The following TMPRSS11B variants were observed in gnomAD, a reference collection of about 807,000 sequenced individuals.
TMPRSS11B encodes the protein transmembrane protease serine 11B.
A neutral mutation model predicts 44.7 loss-of-function variants in TMPRSS11B; 53 were observed. That is an observed-to-expected ratio of 1.19 (90% CI 0.95 to 1.49). The LOEUF is 1.49. TMPRSS11B is among the 40% of genes most tolerant of loss of function. TMPRSS11B has a pLI of 0.00. For synonymous variants in TMPRSS11B, 140 were observed against 159.2 expected, an observed-to-expected ratio of 0.88 and a Z score of 0.91; for missense variants, 526 against 494.8, an observed-to-expected ratio of 1.06 and a Z score of -0.60.
intron 1 of TMPRSS11B, among the ~76,000 whole-genome samples, chr4:68,242,253 T>TTATATTATACATAA (rs1560445440): frequency 3.2e-4 from 18 of 56,620 alleles, no homozygotes; most frequent in Non-Finnish European, 5.4e-4. Flanking sequence ...ATTATATATA[T>TTATATTATACATAA]TATAATATAT....
At chr4:68,228,174 A>T in intron 9 of TMPRSS11B, 102 bp from the exon 10 acceptor site, 1 of 1,078,148 alleles carries the variant, frequency 9.3e-7, no homozygotes, top group Non-Finnish European at 1.3e-6. Flanking sequence ...AAACCAATTC[A>T]CTCTCTTTGG....
rs897556899 is a variant in TMPRSS11B at position 68,236,414 on chromosome 4, A to C, written c.125-148T>G. On this transcript the variant is annotated intron_variant, in intron 2 of 9. Coordinates refer to ENST00000332644, the MANE Select transcript of TMPRSS11B (RefSeq NM_182502.3). ...CAACCATTTATACCTCTGCCTTAAC[A>C]TTTATACCTCTGCCTCAACATTTAT... is the stretch of plus-strand genomic sequence containing the variant. The C allele has an allele frequency of 6.1e-5, 36 of 586,874 alleles. No homozygotes were observed. In the South Asian group the frequency reaches 8.5e-4, roughly 14 times the overall value. The allele number at this position is 586,874 out of a possible 1,614,324, so 36.4% of individuals were successfully genotyped here.
At chr4:68,241,614 C>A (rs142785506) in intron 2 of TMPRSS11B, 75 bp downstream of exon 2, 2 of 864,698 alleles carry the variant, frequency 2.3e-6, no homozygotes, top group East Asian at 2.6e-5. Context: ...ATTTAATGTT[C>A]ATGTTGTTTT....
chr4:68,232,728 C>CT (rs200508625), intron 5 of TMPRSS11B, among the ~76,000 whole-genome samples: 2,407 of 152,186 alleles, frequency 0.016, 50 homozygotes, highest in African/African-American at 0.054. Context: ...TTTTATTATA[C>CT]TTTAAGTTTC....
chr4:68,244,445 T>G (rs1416887379), intron 1 of TMPRSS11B, among the ~76,000 whole-genome samples: 1 of 152,132 alleles, frequency 6.6e-6, no homozygotes, highest in East Asian at 1.9e-4. Context: ...GCCAACATGG[T>G]GAAACCCCAT....
intron 5 of TMPRSS11B, among the ~76,000 whole-genome samples, chr4:68,233,857 A>C (rs1267015262): frequency 6.6e-6 from 1 of 152,018 alleles, no homozygotes; most frequent in African/African-American, 2.4e-5. Context: ...TGAGATCCTG[A>C]CAAAAGCAAG....
At chr4:68,245,194 A>G (rs550361549) in intron 1 of TMPRSS11B, among the ~76,000 whole-genome samples, 1 of 152,200 alleles carries the variant, frequency 6.6e-6, no homozygotes, top group Non-Finnish European at 1.5e-5. Flanking sequence ...AAACCTTTTA[A>G]TATTAGAAAA....
chr4:68,230,648 A>G (rs1719481888), intron 7 of TMPRSS11B, among the ~76,000 whole-genome samples: 1 of 152,150 alleles, frequency 6.6e-6, no homozygotes, highest in Non-Finnish European at 1.5e-5. Context: ...TACTAAAAAT[A>G]CAAGAATTAG....
rs1719506989 is a variant in TMPRSS11B at position 68,231,283 on chromosome 4, C to T, written c.606G>A (p.Met202Ile). Residue 202 changes from methionine to isoleucine, a missense_variant, in exon 7 of 10, where the codon ATG (methionine) becomes ATA (isoleucine). Transcript: ENST00000332644. ...LEGAWPWQAS[M>I]QWKGRHYCGA... Reference sequence around the variant, plus strand: ...CACAGTAGTGACGGCCTTTCCATTGCATGCTGGCCTGCCATGGCCATGCCC... The same window carrying T: ...CACAGTAGTGACGGCCTTTCCATTGTATGCTGGCCTGCCATGGCCATGCCC... The T allele has an allele frequency of 6.2e-7, 1 of 1,613,936 alleles. No individual in the cohort carries two copies. Among genetic ancestry groups the T allele is most frequent in the African/African-American group, 1.3e-5 (1 of 75,052 alleles).
At chr4:68,229,190 G>A (rs1239068020) in intron 8 of TMPRSS11B, 67 bp downstream of exon 8, 6 of 1,269,444 alleles carry the variant, frequency 4.7e-6, no homozygotes, top group Non-Finnish European at 6.4e-6. Flanking sequence ...ATGATTGATT[G>A]ATTGATTGAT....
chr4:68,234,396 G>A (rs1169339172), intron 5 of TMPRSS11B, 67 bp downstream of exon 5: 1 of 1,517,962 alleles, frequency 6.6e-7, no homozygotes, highest in Non-Finnish European at 8.9e-7. Context: ...TCACTTTTTA[G>A]TACTTTTTAA....
intron 2 of TMPRSS11B, among the ~76,000 whole-genome samples, chr4:68,240,537 G>T (rs1306114026): frequency 6.6e-6 from 1 of 152,150 alleles, no homozygotes; most frequent in Non-Finnish European, 1.5e-5. Context: ...CCCCAGGAAA[G>T]GGGACCTGTT....
intron 9 of TMPRSS11B, 144 bp downstream of exon 9, chr4:68,228,598 C>T (rs1719418386): frequency 1.2e-6 from 1 of 821,110 alleles, no homozygotes; most frequent in African/African-American, 1.8e-5. Context: ...GTGTCTGGTA[C>T]ATAAATGGAA....
rs1719380322 is a variant in TMPRSS11B at position 68,227,379 on chromosome 4, A to G, written c.*532T>C. ...ACTCAGCTATTAAGAAAAATTATATATTAGCCTTCTTTATTTTCTTCTCTC... is the reference window on the plus strand; with the variant it reads ...ACTCAGCTATTAAGAAAAATTATATGTTAGCCTTCTTTATTTTCTTCTCTC... On this transcript the variant is annotated 3_prime_UTR_variant, in exon 10 of 10. Transcript: ENST00000332644. 6.9e-6 allele frequency: 1 copy of G among 144,244 alleles called. No individual in the cohort carries two copies. The highest frequency in any genetic ancestry group is 2.3e-4 in the South Asian group (1 of 4,376). The allele number at this position is 144,244 out of a possible 1,614,324, so 8.9% of individuals were successfully genotyped here.
chr4:68,242,678 C>T (rs1162464817), intron 1 of TMPRSS11B, among the ~76,000 whole-genome samples: 1 of 151,214 alleles, frequency 6.6e-6, no homozygotes, highest in Non-Finnish European at 1.5e-5. Context: ...TCAACTGATC[C>T]TCCCACCTCA....
At chr4:68,234,650 T>C in intron 4 of TMPRSS11B, 27 bp from the exon 5 acceptor site, 1 of 1,608,530 alleles carries the variant, frequency 6.2e-7, no homozygotes, top group Non-Finnish European at 8.5e-7. Context: ...TTTTCTAATG[T>C]ACTGTTTCTT....
At chr4:68,242,254 TATAATATATATA>T (rs1719857551) in intron 1 of TMPRSS11B, among the ~76,000 whole-genome samples, 1 of 70,330 alleles carries the variant, frequency 1.4e-5, no homozygotes, top group Non-Finnish European at 2.4e-5. Context: ...TTATATATAT[TATAATATATATA>T]ATATAATATT....
At chr4:68,231,002 C>T (rs1719494724) in intron 7 of TMPRSS11B, among the ~76,000 whole-genome samples, 2 of 143,266 alleles carry the variant, frequency 1.4e-5, no homozygotes, top group South Asian at 2.4e-4. Context: ...ATTAATACTT[C>T]TATTTGCTTT....
intron 1 of TMPRSS11B, among the ~76,000 whole-genome samples, chr4:68,245,318 T>C (rs768548001): frequency 1.3e-5 from 2 of 152,180 alleles, no homozygotes; most frequent in Non-Finnish European, 2.9e-5. Context: ...TATATTTATA[T>C]TCTTTCCCAG....
Sources: allele counts gnomAD v4.1 joint callset (sites outside exome capture counted in the v4.1 genomes callset), GRCh38; gene constraint gnomAD v4.1.1; transcripts MANE v1.5; gene names NCBI Gene and HGNC (gene_info 2026-07-23, HGNC 2026-07-21).